The following PRMT8 variants were observed in gnomAD, a reference collection of about 807,000 sequenced individuals.
PRMT8 encodes the protein protein arginine methyltransferase 8.
Under a neutral mutation model 47.1 loss-of-function variants are expected in PRMT8, and 7 were observed. The ratio of observed to expected loss-of-function variants is 0.15; its 90% CI spans 0.08 to 0.28. The LOEUF is 0.28. Ranked by LOEUF, PRMT8 falls within the 10% of genes least tolerant of loss-of-function variation. The pLI is 1.00. For synonymous variants in PRMT8, 188 were observed against 186.5 expected (o/e 1.01, Z -0.07); for missense variants, 237 against 505.4 (o/e 0.47, Z 5.09).
intron 1 of PRMT8, among the ~76,000 whole-genome samples, chr12:3,428,754 C>G (rs189114829): frequency 6.6e-6 from 1 of 151,978 alleles, no homozygotes; most frequent in African/African-American, 2.4e-5. Context: ...CTCTTCCTCT[C>G]TCTCTGCCTC....
intron 4 of PRMT8, among the ~76,000 whole-genome samples, chr12:3,558,726 G>T (rs1213952236): frequency 6.6e-6 from 1 of 152,096 alleles, no homozygotes; most frequent in Admixed American, 6.5e-5. Context: ...CTGCATCTTG[G>T]GTAGAAATCT....
intron 1 of PRMT8, among the ~76,000 whole-genome samples, chr12:3,495,857 C>T (rs1162376818): frequency 1.3e-5 from 2 of 152,248 alleles, no homozygotes; most frequent in African/African-American, 4.8e-5. Context: ...ACCTTTGAAA[C>T]TCAAAATGGG....
At chr12:3,507,810 G>T (rs1865654007) in intron 1 of PRMT8, among the ~76,000 whole-genome samples, 1 of 147,138 alleles carries the variant, frequency 6.8e-6, no homozygotes, top group African/African-American at 2.5e-5. Context: ...CCAGGCTGGA[G>T]TGCAGTGGTG....
intron 1 of PRMT8, among the ~76,000 whole-genome samples, chr12:3,404,041 C>T (rs898173175): frequency 2.6e-5 from 4 of 151,990 alleles, no homozygotes; most frequent in Non-Finnish European, 4.4e-5. Context: ...TCCATACGTC[C>T]TTTAGCCAAA....
intron 1 of PRMT8, among the ~76,000 whole-genome samples, chr12:3,422,670 A>G (rs1223827707): frequency 6.6e-6 from 1 of 152,236 alleles, no homozygotes; most frequent in African/African-American, 2.4e-5. Flanking sequence ...ACAATGTCTG[A>G]AATCTATAGA....
chr12:3,440,625 A>C (rs1864790798), intron 1 of PRMT8, among the ~76,000 whole-genome samples: 1 of 152,076 alleles, frequency 6.6e-6, no homozygotes, highest in Non-Finnish European at 1.5e-5. Context: ...TGGCCTCCTG[A>C]CTAGTTTGTT....
intron 1 of PRMT8, among the ~76,000 whole-genome samples, chr12:3,466,072 C>T (rs1865094983): frequency 6.6e-6 from 1 of 152,182 alleles, no homozygotes; most frequent in Admixed American, 6.5e-5. Context: ...AGGATGGACC[C>T]TCCCTGCACC....
At chr12:3,486,495 A>G (rs546304031), upstream of PRMT8, among the ~76,000 whole-genome samples, 98 of 152,298 alleles carry the variant, frequency 6.4e-4, no homozygotes, top group African/African-American at 1.9e-3. Flanking sequence ...ACAGAAAAAA[A>G]TATGTATTAA....
intron 1 of PRMT8, among the ~76,000 whole-genome samples, chr12:3,399,069 A>T (rs1864292558): frequency 6.6e-6 from 1 of 151,948 alleles, no homozygotes; most frequent in South Asian, 2.1e-4. Context: ...TCACCCTCTC[A>T]CCTTTTCACT....
chr12:3,511,846 A>G (rs1454508780), intron 1 of PRMT8, among the ~76,000 whole-genome samples: 1 of 152,260 alleles, frequency 6.6e-6, no homozygotes, highest in Non-Finnish European at 1.5e-5. Flanking sequence ...TTTCAAATCC[A>G]TTAAAGCCAT....
chr12:3,440,256 C>G (rs963786869), intron 1 of PRMT8, among the ~76,000 whole-genome samples: 1 of 152,020 alleles, frequency 6.6e-6, no homozygotes, highest in South Asian at 2.1e-4. Flanking sequence ...GTCAGGAGAT[C>G]GAGACCATCC....
intron 1 of PRMT8, among the ~76,000 whole-genome samples, chr12:3,398,062 G>C (rs200061709): frequency 6.6e-6 from 1 of 152,120 alleles, no homozygotes; most frequent in African/African-American, 2.4e-5. Flanking sequence ...GCCCTGCTTC[G>C]GCTCGCGCAC....
At chr12:3,555,316 AG>A (rs1300996677) in intron 4 of PRMT8, among the ~76,000 whole-genome samples, 2 of 152,376 alleles carry the variant, frequency 1.3e-5, no homozygotes, top group African/African-American at 4.8e-5. Context: ...CTCTCTGAGC[AG>A]GTCACAGTGA....
At chr12:3,497,866 C>G (rs1013925512) in intron 1 of PRMT8, among the ~76,000 whole-genome samples, 1 of 152,184 alleles carries the variant, frequency 6.6e-6, no homozygotes, top group Non-Finnish European at 1.5e-5. Context: ...GGTGGAAACT[C>G]AAATCACTTA....
chr12:3,406,420 A>T lies in PRMT8; in HGVS notation c.48+24978A>T, dbSNP rs552828671. On this transcript the variant is annotated intron_variant, in intron 1 of 9. Coordinates refer to the PRMT8 transcript ENST00000452611. ...ATGCAGATTTCTGTAGTGGACTTGAATTTTTTCCCAGAAAATTGATTTTTC... is the reference window on the plus strand; with the variant it reads ...ATGCAGATTTCTGTAGTGGACTTGATTTTTTTCCCAGAAAATTGATTTTTC... Among the ~76,000 whole-genome samples, 7 of 152,226 alleles carry T rather than the reference A, an allele frequency of 4.6e-5. No individual in the cohort carries two copies. The East Asian group carries it at 1.2e-3, about 25-fold the overall frequency.
chr12:3,482,986 G>A (rs1656799398), intron 1 of PRMT8, among the ~76,000 whole-genome samples: 1 of 152,212 alleles, frequency 6.6e-6, no homozygotes, highest in Admixed American at 6.5e-5. Flanking sequence ...TCTGAGGTCT[G>A]TGCCATCGCT....
chr12:3,417,350 A>G (rs1389929919), intron 1 of PRMT8, among the ~76,000 whole-genome samples: 1 of 152,236 alleles, frequency 6.6e-6, no homozygotes, highest in Non-Finnish European at 1.5e-5. Flanking sequence ...AGATTCTCAG[A>G]GGCTGGGCTC....
At chr12:3,435,753 C>T (rs1864734476) in intron 1 of PRMT8, among the ~76,000 whole-genome samples, 3 of 152,052 alleles carry the variant, frequency 2.0e-5, no homozygotes, top group African/African-American at 7.2e-5. Flanking sequence ...ATCTCCTGAC[C>T]TCATGACCCA....
intron 1 of PRMT8, among the ~76,000 whole-genome samples, chr12:3,415,285 T>C (rs1052594797): frequency 6.6e-6 from 1 of 152,178 alleles, no homozygotes; most frequent in African/African-American, 2.4e-5. Flanking sequence ...GTGCCTCCAC[T>C]TGTTAAGCTT....
Sources: allele counts gnomAD v4.1 joint callset (sites outside exome capture counted in the v4.1 genomes callset), GRCh38; gene constraint gnomAD v4.1.1; transcripts MANE v1.5; gene names NCBI Gene and HGNC (gene_info 2026-07-23, HGNC 2026-07-21).